Variants in TDRD10 observed in about 807,000 individuals in gnomAD.
TDRD10 encodes tudor domain containing 10.
Under a neutral mutation model 48.0 loss-of-function variants are expected in TDRD10, and 40 were observed. That is an observed-to-expected ratio of 0.83 (90% confidence interval 0.65 to 1.09). The LOEUF (loss-of-function observed/expected upper bound fraction) is 1.09. Ranked by LOEUF, TDRD10 falls within the 50% of genes least tolerant of loss-of-function variation. The probability of loss-of-function intolerance (pLI) is 0.00; values close to 1 mark genes in which losing one functional copy is unlikely to be tolerated. For missense variants in TDRD10, 378 were observed against 434.7 expected, an observed-to-expected ratio of 0.87 and a Z score of 1.16; for synonymous variants, 162 against 170.4, an observed-to-expected ratio of 0.95 and a Z score of 0.38.
At chr1:154,539,048 C>T (rs1364465201) in intron 6 of TDRD10, among the ~76,000 whole-genome samples, 3 of 152,154 alleles carry the variant, frequency 2.0e-5, no homozygotes, top group Non-Finnish European at 4.4e-5. Flanking sequence ...GATGTGAACA[C>T]CAAGTAACTC....
At chr1:154,543,746 G>A (rs754125758) in intron 8 of TDRD10, among the ~76,000 whole-genome samples, 4 of 151,970 alleles carry the variant, frequency 2.6e-5, no homozygotes, top group Admixed American at 6.6e-5. Context: ...CAACCCCTAC[G>A]CCCCCAGAAT....
At chr1:154,520,214 T>C in intron 4 of TDRD10, 90 bp from the exon 5 acceptor site, 1 of 906,696 alleles carries the variant, frequency 1.1e-6, no homozygotes, top group Non-Finnish European at 1.8e-6. Context: ...TTAAATTGAG[T>C]CCAGACTAGC....
At chr1:154,536,116 G>A (rs1234376276) in intron 6 of TDRD10, among the ~76,000 whole-genome samples, 14 of 152,306 alleles carry the variant, frequency 9.2e-5, no homozygotes, top group Admixed American at 8.5e-4. Context: ...AGTGGCTCAC[G>A]CCTGTAATCC....
intron 1 of TDRD10, among the ~76,000 whole-genome samples, chr1:154,504,176 T>G (rs955183066): frequency 3.3e-5 from 5 of 152,258 alleles, no homozygotes; most frequent in Admixed American, 1.3e-4. Context: ...TTCAGATTCA[T>G]CCAGGTCGTA....
chr1:154,527,186 C>CA (rs1363527197), intron 6 of TDRD10, among the ~76,000 whole-genome samples: 1 of 152,228 alleles, frequency 6.6e-6, no homozygotes, highest in African/African-American at 2.4e-5. Flanking sequence ...GCTGGGATTA[C>CA]AGGCATGAGC....
intron 11 of TDRD10, 127 bp from the exon 12 acceptor site, chr1:154,547,282 C>A (rs1299295127): frequency 3.4e-6 from 3 of 881,674 alleles, no homozygotes; most frequent in Non-Finnish European, 5.5e-6. Flanking sequence ...CTAGCAGAGA[C>A]TTGCTGGTTG....
At chr1:154,519,846 G>C (rs1330987619) in intron 4 of TDRD10, among the ~76,000 whole-genome samples, 1 of 152,168 alleles carries the variant, frequency 6.6e-6, no homozygotes, top group East Asian at 1.9e-4. Context: ...GGCAGACTAG[G>C]AGAGGAGAAG....
chr1:154,518,967 A>G (rs182203110), intron 4 of TDRD10, among the ~76,000 whole-genome samples: 6 of 150,620 alleles, frequency 4.0e-5, no homozygotes, highest in Admixed American at 2.0e-4. Flanking sequence ...AATATAATGG[A>G]AAAAAAATGT....
At chr1:154,524,720 G>A (rs957056698) in intron 6 of TDRD10, among the ~76,000 whole-genome samples, 2 of 152,058 alleles carry the variant, frequency 1.3e-5, no homozygotes, top group Non-Finnish European at 1.5e-5. Flanking sequence ...AGTGCTCCGG[G>A]TGCTTGCCAA....
rs371099442 is a variant in TDRD10, at chr1:154,511,167, C to T, written c.141+2686C>T. ...TCACCCAGGCTGGAATGCAGTGATG[C>T]GATCTCAGCTCACTACAGCCTCTGC... On this transcript the variant is annotated intron_variant, in intron 4 of 12. Coordinates refer to ENST00000368482, the MANE Select transcript of TDRD10 (RefSeq NM_182499.4). Among the ~76,000 whole-genome samples the T allele has an allele frequency of 1.7e-4, 26 of 152,038 alleles. No homozygotes were observed. In the South Asian group the frequency reaches 2.1e-3, roughly 12 times the overall value.
intron 6 of TDRD10, among the ~76,000 whole-genome samples, chr1:154,535,866 T>C (rs1404186551): frequency 2.0e-5 from 3 of 152,142 alleles, no homozygotes; most frequent in Non-Finnish European, 4.4e-5. Context: ...GCTTCCCAGA[T>C]TGGCCAAAGG....
chr1:154,544,688 G>A lies in TDRD10; in HGVS notation c.798-107G>A, dbSNP rs1695452466. On this transcript the variant is annotated intron_variant, in intron 10 of 12. Transcript: ENST00000368482. ...GATTGGGGAGAAACAGAGCAAACTC[G>A]CTCTTCCTCCCTCCTACCTCCACTT... The A allele has an allele frequency of 4.0e-6, 6 of 1,501,662 alleles. No homozygotes were observed. In the South Asian group the frequency reaches 5.3e-5, roughly 13 times the overall value. 93.0% of individuals were successfully genotyped at this position (1,501,662 alleles called of 1,614,324 possible).
chr1:154,547,324 C>T, intron 11 of TDRD10, 85 bp from the exon 12 acceptor site: 1 of 1,473,474 alleles, frequency 6.8e-7, no homozygotes, highest in Non-Finnish European at 9.4e-7. Flanking sequence ...ACTTTCCCTG[C>T]AGCCCCCGCC....
At chr1:154,543,590 G>A (rs1695370384) in intron 8 of TDRD10, among the ~76,000 whole-genome samples, 1 of 152,156 alleles carries the variant, frequency 6.6e-6, no homozygotes, top group African/African-American at 2.4e-5. Context: ...ATCCTGCATG[G>A]TGGACAGTCC....
chr1:154,509,972 AC>A, intron 4 of TDRD10: 1 of 623,004 alleles, frequency 1.6e-6, no homozygotes, highest in African/African-American at 2.0e-5. Flanking sequence ...ACTGTCCCAC[AC>A]CATGGTAAGG....
Position 154,543,981 on chromosome 1 carries a change from G to A in TDRD10, c.522G>A (p.Leu174=), listed in dbSNP as rs147377261. The change falls in exon 9 of 13, where the codon CTG becomes CTA. Residue 174 remains leucine, a synonymous_variant. Coordinates refer to ENST00000368482, the MANE Select transcript of TDRD10 (RefSeq NM_182499.4). The part of the protein sequence containing the change: ...PLEMRGSFLV[L]LLRECFRDLS... ...CCCGCAGAGGGTCCTTCCTGGTGCT[G>A]CTCCTGAGGGAATGCTTCCGAGACC... 3 of 1,614,128 alleles carry A rather than the reference G, an allele frequency of 1.9e-6. No homozygotes were observed. The African/African-American group carries it at 4.0e-5, about 22-fold the overall frequency.
At position 154,544,933 on chromosome 1, in the gene TDRD10, A is replaced by C; in HGVS notation, c.936A>C (p.Pro312=). The part of the protein sequence containing the change: ...DFWTIPPLTQ[P]FMLEKDILSS... ...GGACCATCCCACCCCTGACTCAGCC[A>C]TTCATGCTGGAGAAAGGTGAGACAT... Residue 312 remains proline, a synonymous_variant, in exon 11 of 13, where the codon CCA becomes CCC. Coordinates refer to ENST00000368482, the MANE Select transcript of TDRD10 (RefSeq NM_182499.4). 6.2e-7 allele frequency: 1 copy of C among 1,614,138 alleles called. No homozygotes were observed. The highest frequency in any genetic ancestry group is 8.5e-7 in the Non-Finnish European group (1 of 1,180,022).
At chr1:154,515,249 C>T (rs958841139) in intron 4 of TDRD10, among the ~76,000 whole-genome samples, 10 of 152,088 alleles carry the variant, frequency 6.6e-5, no homozygotes, top group African/African-American at 1.4e-4. Flanking sequence ...CTGCCTGCCT[C>T]GGCCTCCCAA....
In TDRD10 at chr1:154,543,978, G is replaced by C; in HGVS notation, c.519G>C (p.Val173=). ...CTTCCCGCAGAGGGTCCTTCCTGGT[G>C]CTGCTCCTGAGGGAATGCTTCCGAG... ...VPLEMRGSFL[V]LLLRECFRDL... The change falls in exon 9 of 13, where the codon GTG becomes GTC. Residue 173 remains valine, a synonymous_variant. Transcript: ENST00000368482. The C allele has an allele frequency of 6.2e-7, 1 of 1,614,140 alleles. No homozygotes were observed.
Sources: gnomAD v4.1 joint callset for allele counts (sites outside exome capture counted in the v4.1 genomes callset) on GRCh38, gnomAD v4.1.1 for gene constraint, MANE v1.5 for transcripts, NCBI Gene and HGNC (gene_info 2026-07-23, HGNC 2026-07-21) for gene names.